The following AMD1 variants were observed in gnomAD, a reference collection of about 807,000 sequenced individuals.
AMD1 encodes the protein adenosylmethionine decarboxylase 1.
AMD1 carries 11 observed loss-of-function variants against 40.2 expected under a neutral mutation model. That is an observed-to-expected ratio of 0.27 (90% CI 0.17 to 0.45). The LOEUF (loss-of-function observed/expected upper bound fraction) is 0.45, where lower values mean the gene tolerates loss of function less well. AMD1 is among the 20% of genes least tolerant of loss of function. AMD1 has a pLI of 1.00. For synonymous variants in AMD1, 121 were observed against 130.8 expected (o/e 0.93, Z 0.51); for missense variants, 257 against 410.2 (o/e 0.63, Z 3.23).
chr6:110,853,028 A>C, the AMD1 span, among the ~76,000 whole-genome samples: 5 of 144,096 alleles, frequency 3.5e-5, no homozygotes, highest in African/African-American at 1.3e-4. Flanking sequence ...ACTTTATTGC[A>C]ATATTCATTT....
At chr6:110,884,166 A>G (rs1785562267) in intron 1 of AMD1, among the ~76,000 whole-genome samples, 1 of 152,242 alleles carries the variant, frequency 6.6e-6, no homozygotes, top group Non-Finnish European at 1.5e-5. Context: ...AAAGGAGTTC[A>G]TAACAAACCT....
At chr6:110,832,924 G>A in the AMD1 span, among the ~76,000 whole-genome samples, 64 of 152,108 alleles carry the variant, frequency 4.2e-4, 2 homozygotes. Context: ...AGGTTCAAGT[G>A]ATTCTCCTGC....
the AMD1 span, among the ~76,000 whole-genome samples, chr6:110,855,906 C>A: frequency 6.6e-6 from 1 of 151,920 alleles, no homozygotes; most frequent in African/African-American, 2.4e-5. Context: ...CATAGCGAGA[C>A]CCCAACTCCA....
chr6:110,882,103 C>T (rs1785438975), intron 1 of AMD1, among the ~76,000 whole-genome samples: 2 of 152,250 alleles, frequency 1.3e-5, no homozygotes, highest in South Asian at 4.1e-4. Flanking sequence ...ACTATCACTA[C>T]TGAGCCTGAT....
chr6:110,888,759 A>T, intron 2 of AMD1, 98 bp from the exon 3 acceptor site: 5 of 1,268,384 alleles, frequency 3.9e-6, no homozygotes, highest in South Asian at 3.1e-5. Context: ...AATATTTAAA[A>T]GTACTAGCCA....
At chr6:110,862,728 C>G in the AMD1 span, among the ~76,000 whole-genome samples, 1 of 152,106 alleles carries the variant, frequency 6.6e-6, no homozygotes, top group African/African-American at 2.4e-5. Flanking sequence ...CCTCGGCCTC[C>G]CAAACTGCTC....
intron 1 of AMD1, among the ~76,000 whole-genome samples, chr6:110,886,444 T>G (rs938829777): frequency 3.3e-5 from 5 of 151,980 alleles, no homozygotes; most frequent in Admixed American, 2.6e-4. Flanking sequence ...TAGCTGAGAT[T>G]ATAAGCACCT....
At position 110,893,646 on chromosome 6, in the gene AMD1, G is replaced by GA; in HGVS notation, c.*31dup. The GA allele has an allele frequency of 1.2e-6, 2 of 1,605,206 alleles. No individual in the cohort carries two copies. Among genetic ancestry groups the GA allele is most frequent in the Non-Finnish European group, 1.7e-6 (2 of 1,178,980 alleles). Reference sequence around the variant, plus strand: ...GAAAAATGAAGAAAAAACGCAAAAAGAGAACACATGTAGAAGGTGGTGGAT... The same window carrying GA: ...GAAAAATGAAGAAAAAACGCAAAAAGAAGAACACATGTAGAAGGTGGTGGAT... On this transcript the variant is annotated 3_prime_UTR_variant, in exon 9 of 9. Transcript: ENST00000368885.
intron 1 of AMD1, among the ~76,000 whole-genome samples, chr6:110,876,421 A>C (rs891625167): frequency 6.6e-5 from 10 of 152,190 alleles, no homozygotes; most frequent in African/African-American, 2.4e-4. Context: ...CAGGGTGTGG[A>C]CCAATGGGCG....
the AMD1 span, among the ~76,000 whole-genome samples, chr6:110,820,908 G>A: frequency 6.6e-6 from 1 of 151,960 alleles, no homozygotes; most frequent in South Asian, 2.1e-4. Flanking sequence ...AACAGGGCAA[G>A]ACTCCGTCTC....
In AMD1 at chr6:110,893,457, A is replaced by AT; in HGVS notation, c.865-16dup. 1 of 1,612,170 alleles carries AT rather than the reference A, an allele frequency of 6.2e-7. No individual in the cohort carries two copies. Among genetic ancestry groups the AT allele is most frequent in the Non-Finnish European group, 8.5e-7 (1 of 1,179,272 alleles). Reference sequence around the variant, plus strand: ...CTCTGGATTGCAAACACTAACGGTTATTTAATTTTTTCCCCCAGAGTTCTA... The same window carrying AT: ...CTCTGGATTGCAAACACTAACGGTTATTTTAATTTTTTCCCCCAGAGTTCTA... On this transcript the variant is annotated intron_variant, in intron 8 of 8. Transcript: ENST00000368885.
chr6:110,874,361 C>T (rs553032085), upstream of AMD1, among the ~76,000 whole-genome samples: 1 of 152,338 alleles, frequency 6.6e-6, no homozygotes, highest in South Asian at 2.1e-4. Flanking sequence ...CGGTGAACTG[C>T]ACAAGATCAA....
chr6:110,891,703 T>A lies in AMD1; in HGVS notation c.428-458T>A, dbSNP rs991037220. The A allele has an allele frequency of 2.0e-4, 34 of 174,146 alleles. 1 individual carries two copies. The highest frequency in any genetic ancestry group is 1.6e-4 in the Non-Finnish European group (13 of 80,364). The allele number at this position is 174,146 out of a possible 1,614,324, so 10.8% of individuals were successfully genotyped here. On this transcript the variant is annotated intron_variant, in intron 4 of 8. Coordinates refer to ENST00000368885, the MANE Select transcript of AMD1 (RefSeq NM_001634.6). ...ACCCGCCAAGTCAGTCGATCCTGCT[T>A]ATCTGGGAATTTACCTACTGTTTCC...
chr6:110,828,555 C>T, the AMD1 span, among the ~76,000 whole-genome samples: 5 of 152,162 alleles, frequency 3.3e-5, no homozygotes, highest in South Asian at 6.2e-4. Context: ...CCAGCATCAA[C>T]GGATTAGTCA....
chr6:110,860,015 T>A, the AMD1 span, among the ~76,000 whole-genome samples: 1 of 152,096 alleles, frequency 6.6e-6, no homozygotes, highest in Non-Finnish European at 1.5e-5. Context: ...TTATTAGAGA[T>A]GGGGTTTCAC....
chr6:110,888,613 T>C lies in AMD1; in HGVS notation c.198-244T>C, dbSNP rs569222833. 5.9e-4 allele frequency: 137 copies of C among 234,086 alleles called. 1 individual carries two copies. The highest frequency in any genetic ancestry group is 2.8e-3 in the African/African-American group (119 of 42,974). The allele number at this position is 234,086 out of a possible 1,614,324, so 14.5% of individuals were successfully genotyped here. ...GAGCCACTGTGCCTGGCCTCTCTCT[T>C]TTTTTTTTTTAAACTAAGTTTATAT... On this transcript the variant is annotated intron_variant, in intron 2 of 8. Transcript: ENST00000368885.
At chr6:110,821,535 AC>A in the AMD1 span, among the ~76,000 whole-genome samples, 1 of 152,146 alleles carries the variant, frequency 6.6e-6, no homozygotes, top group African/African-American at 2.4e-5. Flanking sequence ...AATCACTTGA[AC>A]CCAGGAGGCA....
At chr6:110,824,206 G>A in the AMD1 span, among the ~76,000 whole-genome samples, 1 of 152,060 alleles carries the variant, frequency 6.6e-6, no homozygotes, top group African/African-American at 2.4e-5. Flanking sequence ...ATAAGGAAAA[G>A]GTGGTATATA....
At chr6:110,844,174 G>A in the AMD1 span, among the ~76,000 whole-genome samples, 135 of 151,254 alleles carry the variant, frequency 8.9e-4, 1 homozygote, top group African/African-American at 3.1e-3. Context: ...GATCACTTGA[G>A]CCCAGGAGGT....
Sources: gnomAD v4.1 joint callset for allele counts (sites outside exome capture counted in the v4.1 genomes callset) on GRCh38, gnomAD v4.1.1 for gene constraint, MANE v1.5 for transcripts, NCBI Gene and HGNC (gene_info 2026-07-23, HGNC 2026-07-21) for gene names.